The following SHANK2 variants were observed in gnomAD, a reference collection of about 807,000 sequenced individuals.
SHANK2 encodes the protein SH3 and multiple ankyrin repeat domains protein 2.
A neutral mutation model predicts 133.7 loss-of-function variants in SHANK2; 43 were observed. That is an observed-to-expected ratio of 0.32 (90% CI 0.25 to 0.41). The LOEUF is 0.41. SHANK2 is among the 10% of genes least tolerant of loss of function. SHANK2 has a pLI of 1.00. For synonymous variants in SHANK2, 1,017 were observed against 952.8 expected, an observed-to-expected ratio of 1.07 and a Z score of -1.24; for missense variants, 1,994 against 2,235.8, an observed-to-expected ratio of 0.89 and a Z score of 2.18.
chr11:70,732,561 C>G (rs1946312947), intron 14 of SHANK2, among the ~76,000 whole-genome samples: 1 of 152,250 alleles, frequency 6.6e-6, no homozygotes, highest in South Asian at 2.1e-4. Flanking sequence ...GTGACCACAC[C>G]TCCCCGACCC....
At chr11:71,220,925 G>A (rs1448006029) in intron 2 of SHANK2, among the ~76,000 whole-genome samples, 1 of 152,192 alleles carries the variant, frequency 6.6e-6, no homozygotes, top group Non-Finnish European at 1.5e-5. Context: ...GATGGGCCAG[G>A]CACGGTGGCT....
chr11:70,490,482 T>C, intron 22 of SHANK2, 95 bp from the exon 23 acceptor site: 1 of 1,057,798 alleles, frequency 9.5e-7, no homozygotes, highest in Non-Finnish European at 1.5e-6. Flanking sequence ...TCCGTCACTG[T>C]GGCTTCCCCA....
At chr11:70,947,813 C>G (rs1346381623) in intron 10 of SHANK2, among the ~76,000 whole-genome samples, 1 of 152,150 alleles carries the variant, frequency 6.6e-6, no homozygotes, top group Non-Finnish European at 1.5e-5. Flanking sequence ...ACGTTGCTTC[C>G]CATCCAGGAT....
chr11:70,902,472 T>A (rs539541229), intron 10 of SHANK2, among the ~76,000 whole-genome samples: 1 of 152,208 alleles, frequency 6.6e-6, no homozygotes, highest in Non-Finnish European at 1.5e-5. Context: ...AGAGCTGGGA[T>A]TTCTCGCTGT....
chr11:70,531,172 A>G (rs540792434), intron 17 of SHANK2, among the ~76,000 whole-genome samples: 1 of 151,308 alleles, frequency 6.6e-6, no homozygotes, highest in Non-Finnish European at 1.5e-5. Flanking sequence ...AAAAAAAAAA[A>G]AAAAAAAAAC....
intron 2 of SHANK2, among the ~76,000 whole-genome samples, chr11:71,201,388 C>T (rs1325751242): frequency 5.3e-5 from 8 of 152,374 alleles, no homozygotes; most frequent in East Asian, 1.9e-4. Flanking sequence ...CACCGCTGCC[C>T]GCCCGGAGAT....
intron 3 of SHANK2, among the ~76,000 whole-genome samples, chr11:71,136,905 C>T (rs1952450070): frequency 6.6e-6 from 1 of 152,150 alleles, no homozygotes. Context: ...TCTTGTTGCC[C>T]AGGCTACAGT....
At chr11:71,176,632 A>C (rs1216997121) in intron 2 of SHANK2, among the ~76,000 whole-genome samples, 1 of 152,228 alleles carries the variant, frequency 6.6e-6, no homozygotes, top group Non-Finnish European at 1.5e-5. Context: ...ACTTGAAGTC[A>C]GAGCAATAGA....
chr11:70,786,900 C>A (rs1448780706), intron 14 of SHANK2, among the ~76,000 whole-genome samples: 1 of 152,094 alleles, frequency 6.6e-6, no homozygotes, highest in Non-Finnish European at 1.5e-5. Context: ...CCATCAATCA[C>A]CATGACTATC....
chr11:70,674,759 A>G (rs1485962430), intron 15 of SHANK2, among the ~76,000 whole-genome samples: 1 of 152,056 alleles, frequency 6.6e-6, no homozygotes, highest in Non-Finnish European at 1.5e-5. Flanking sequence ...GCAACTACTC[A>G]CTCTGCTAGT....
At chr11:70,752,972 G>A (rs1946787647) in intron 14 of SHANK2, among the ~76,000 whole-genome samples, 1 of 151,810 alleles carries the variant, frequency 6.6e-6, no homozygotes, top group South Asian at 2.1e-4. Flanking sequence ...AATTAGCTGG[G>A]TGTGGTGGCA....
intron 14 of SHANK2, among the ~76,000 whole-genome samples, chr11:70,746,746 C>T (rs1393275087): frequency 6.6e-6 from 1 of 152,098 alleles, no homozygotes; most frequent in African/African-American, 2.4e-5. Context: ...CCTTGGGTGA[C>T]TCTTCTGTGT....
rs566979525 is a variant in SHANK2, at chr11:70,661,461, C to T, written c.1936+135G>A. The T allele has an allele frequency of 2.3e-4, 213 of 930,798 alleles. 1 individual carries two copies. In the African/African-American group the frequency reaches 3.2e-3, roughly 14 times the overall value. 57.7% of individuals were successfully genotyped at this position (930,798 alleles called of 1,614,324 possible). On this transcript the variant is annotated intron_variant, in intron 16 of 25. Transcript: ENST00000601538. ...CCCCAGGAAAAATGCTTATTTAATG[C>T]TTATTCCTGAGCTGGGGAACGTTTT...
At chr11:71,119,169 T>C (rs1952038779) in intron 3 of SHANK2, 137 bp from the exon 4 acceptor site, 3 of 661,260 alleles carry the variant, frequency 4.5e-6, no homozygotes, top group Non-Finnish European at 7.6e-6. Flanking sequence ...CCCACGGCTT[T>C]TCACAGTGAA....
chr11:70,700,932 G>C lies in SHANK2; in HGVS notation c.1778-2169C>G, dbSNP rs1446759260. ...AAGTGAGACTTGCACCTTTCCCTAG[G>C]GTTAAACAGAGTAGCTCACAATGCC... On this transcript the variant is annotated intron_variant, in intron 14 of 25. Coordinates refer to ENST00000601538, the MANE Select transcript of SHANK2 (RefSeq NM_012309.5). 3.3e-5 allele frequency among the ~76,000 whole-genome samples: 5 copies of C among 152,340 alleles called. No individual in the cohort carries two copies. In the East Asian group the frequency reaches 9.6e-4, roughly 29 times the overall value.
At position 70,804,268 on chromosome 11, in the gene SHANK2, A is replaced by G. The variant is rs1433276581; in HGVS notation, c.1663+2734T>C. Among the ~76,000 whole-genome samples the G allele has an allele frequency of 6.6e-6, 1 of 152,142 alleles. No individual in the cohort carries two copies. Among genetic ancestry groups the G allele is most frequent in the Admixed American group, 6.5e-5 (1 of 15,282 alleles). On this transcript the variant is annotated intron_variant, in intron 13 of 25. Transcript: ENST00000601538. The surrounding 1 kb of genome is among the most constrained non-coding windows in gnomAD (Gnocchi z 4.1). ...GGATCGGCTCGACCCGCCCGCCTCT[A>G]AGCACTGCCATGCAGGCAGCAAGGA...
At chr11:71,059,740 A>G (rs1299895545) in intron 9 of SHANK2, among the ~76,000 whole-genome samples, 5 of 152,212 alleles carry the variant, frequency 3.3e-5, no homozygotes, top group Non-Finnish European at 7.3e-5. Flanking sequence ...TGGGAGACAC[A>G]GGTGGGCGGA....
At chr11:70,743,649 C>T (rs183188464) in intron 14 of SHANK2, among the ~76,000 whole-genome samples, 1 of 152,252 alleles carries the variant, frequency 6.6e-6, no homozygotes, top group East Asian at 1.9e-4. Flanking sequence ...TATAGAGCGA[C>T]GACAGCAGTT....
chr11:70,726,016 G>C (rs1316977614), intron 14 of SHANK2, among the ~76,000 whole-genome samples: 1 of 152,204 alleles, frequency 6.6e-6, no homozygotes, highest in Non-Finnish European at 1.5e-5. Context: ...GCAGTGGAGG[G>C]ACAGAGCTCA....
Sources: gnomAD v4.1 joint callset for allele counts (sites outside exome capture counted in the v4.1 genomes callset) on GRCh38, gnomAD v4.1.1 for gene constraint, Gnocchi (gnomAD v3.1) non-coding constraint, MANE v1.5 for transcripts, NCBI Gene and HGNC (gene_info 2026-07-23, HGNC 2026-07-21) for gene names.